C1QTNF2: variants seen among roughly 807,000 people sequenced by gnomAD.
C1QTNF2 encodes the protein complement C1q tumor necrosis factor-related protein 2.
Under a neutral mutation model 17.4 loss-of-function variants are expected in C1QTNF2, and 15 were observed. The ratio of observed to expected loss-of-function variants is 0.86; its 90% CI spans 0.58 to 1.33. C1QTNF2 has a LOEUF of 1.33. Ranked by LOEUF, C1QTNF2 falls within the 40% of genes most tolerant of loss-of-function variation. The pLI, the probability that C1QTNF2 is intolerant of heterozygous loss-of-function variation, is 0.00. For synonymous variants in C1QTNF2, 154 were observed against 163.3 expected, an observed-to-expected ratio of 0.94 and a Z score of 0.44; for missense variants, 381 against 392.3, an observed-to-expected ratio of 0.97 and a Z score of 0.24.
intron 2 of C1QTNF2, among the ~76,000 whole-genome samples, 174 bp downstream of exon 2, chr5:160,354,594 A>ATATATATATAT (rs1763992977): frequency 2.3e-5 from 1 of 43,390 alleles, no homozygotes; most frequent in African/African-American, 7.6e-5. Flanking sequence ...GAAAAAAAAA[A>ATATATATATAT]AAAGTATATA....
intron 2 of C1QTNF2, among the ~76,000 whole-genome samples, chr5:160,350,234 A>T (rs2113500568): frequency 6.6e-6 from 1 of 152,322 alleles, no homozygotes; most frequent in East Asian, 1.9e-4. Context: ...TATAATAGCA[A>T]AAAATAGGAA....
chr5:160,366,800 G>C (rs1339094595), intron 1 of C1QTNF2, among the ~76,000 whole-genome samples: 10 of 147,372 alleles, frequency 6.8e-5, no homozygotes, highest in Non-Finnish European at 1.5e-4. Flanking sequence ...AAAGCAGGTG[G>C]AGTGCCTGAG....
intron 1 of C1QTNF2, 157 bp from the exon 2 acceptor site, chr5:160,355,177 G>C: frequency 1.0e-6 from 1 of 978,406 alleles, no homozygotes; most frequent in Non-Finnish European, 1.2e-6. Context: ...ATGTGATGTG[G>C]ACAGAGTCGT....
In C1QTNF2 at chr5:160,354,785, C is replaced by T. The variant is rs773427618; in HGVS notation, c.227G>A (p.Gly76Glu). ...CCTCTTACCTTCCTCTCCGCTGTCC[C>T]CCCGGTCGCCGTCGTGTCCATCTTG... The part of the protein sequence containing the change: ...DGQDGHDGDR[G>E]DSGEEGPPGR... Residue 76 changes from glycine to glutamate, a missense_variant, in exon 2 of 3, where the codon GGG (glycine) becomes GAG (glutamate). Physicochemically the swap from Gly to Glu is moderately conservative, Grantham distance 98. Coordinates refer to ENST00000652664, the MANE Select transcript of C1QTNF2 (RefSeq NM_031908.6). The T allele has an allele frequency of 2.5e-6, 4 of 1,613,726 alleles. No homozygotes were observed. The highest frequency in any genetic ancestry group is 3.4e-6 in the Non-Finnish European group (4 of 1,179,950).
chr5:160,351,823 A>G (rs1763929191), intron 2 of C1QTNF2, among the ~76,000 whole-genome samples: 1 of 152,134 alleles, frequency 6.6e-6, no homozygotes. Context: ...AATAAAACTC[A>G]GAAAAGTCAC....
chr5:160,350,999 C>T (rs1763909888), intron 2 of C1QTNF2, among the ~76,000 whole-genome samples: 1 of 152,194 alleles, frequency 6.6e-6, no homozygotes, highest in African/African-American at 2.4e-5. Context: ...ATCTGCCCAC[C>T]TCGGCCTCCC....
intron 1 of C1QTNF2, among the ~76,000 whole-genome samples, chr5:160,362,674 A>G (rs1314432719): frequency 6.6e-6 from 1 of 152,158 alleles, no homozygotes; most frequent in Non-Finnish European, 1.5e-5. Flanking sequence ...AGGGGATCTC[A>G]AGGGTCTCAA....
chr5:160,351,527 T>C (rs1014258997), intron 2 of C1QTNF2, among the ~76,000 whole-genome samples: 3 of 152,238 alleles, frequency 2.0e-5, no homozygotes, highest in South Asian at 2.1e-4. Flanking sequence ...GGTTTCCAAA[T>C]TGCATTTTGT....
At chr5:160,350,744 A>T (rs1763902267) in intron 2 of C1QTNF2, among the ~76,000 whole-genome samples, 1 of 150,280 alleles carries the variant, frequency 6.7e-6, no homozygotes, top group Non-Finnish European at 1.5e-5. Context: ...GGAATCCACA[A>T]TGCCAATTTT....
At position 160,348,239 on chromosome 5, in the gene C1QTNF2, T is replaced by A. The variant is rs543208475; in HGVS notation, c.*929A>T. 3 of 152,284 alleles carry A rather than the reference T, an allele frequency of 2.0e-5. No individual in the cohort carries two copies. The South Asian group carries it at 6.2e-4, about 32-fold the overall frequency. 9.4% of individuals were successfully genotyped at this position (152,284 alleles called of 1,614,324 possible). ...ATTGAGAAGCGGGCCTGCAAAAGAT[T>A]AACTAATAATAAAGCGCTCAAGTCT... On this transcript the variant is annotated 3_prime_UTR_variant, in exon 3 of 3. Transcript: ENST00000652664.
chr5:160,365,573 A>G (rs1581040590), intron 1 of C1QTNF2, among the ~76,000 whole-genome samples: 1 of 151,776 alleles, frequency 6.6e-6, no homozygotes, highest in African/African-American at 2.4e-5. Flanking sequence ...CCCCCACCTC[A>G]CCCCGCCATC....
At chr5:160,355,688 G>A (rs1260894621) in intron 1 of C1QTNF2, among the ~76,000 whole-genome samples, 1 of 152,228 alleles carries the variant, frequency 6.6e-6, no homozygotes, top group African/African-American at 2.4e-5. Flanking sequence ...GTTGAGCAAT[G>A]TGTCTACATC....
At chr5:160,354,611 T>TAG (rs1764000113) in intron 2 of C1QTNF2, among the ~76,000 whole-genome samples, 157 bp downstream of exon 2, 1 of 134,086 alleles carries the variant, frequency 7.5e-6, no homozygotes, top group African/African-American at 2.9e-5. Flanking sequence ...TATATATATA[T>TAG]ATATATATAT....
At position 160,348,050 on chromosome 5, in the gene C1QTNF2, T is replaced by G. The variant is rs1020913126; in HGVS notation, c.*1118A>C. On this transcript the variant is annotated 3_prime_UTR_variant, in exon 3 of 3. Transcript: ENST00000652664. ...GGGATTATAGGCATGAGCTACCACATCCCGCCAGCACCTGGCACTTTTACT... is the reference window on the plus strand; with the variant it reads ...GGGATTATAGGCATGAGCTACCACAGCCCGCCAGCACCTGGCACTTTTACT... 5.9e-5 allele frequency: 9 copies of G among 152,146 alleles called. No individual in the cohort carries two copies. The highest frequency in any genetic ancestry group is 2.2e-4 in the African/African-American group (9 of 41,386). The allele number at this position is 152,146 out of a possible 1,614,324, so 9.4% of individuals were successfully genotyped here.
chr5:160,367,462 A>G (rs568717620), intron 1 of C1QTNF2, among the ~76,000 whole-genome samples: 8 of 152,242 alleles, frequency 5.3e-5, no homozygotes, highest in Non-Finnish European at 1.0e-4. Flanking sequence ...TAACCAAGGT[A>G]ATATGAGTCA....
chr5:160,366,617 C>T (rs1764252061), intron 1 of C1QTNF2, among the ~76,000 whole-genome samples: 1 of 152,210 alleles, frequency 6.6e-6, no homozygotes, highest in African/African-American at 2.4e-5. Flanking sequence ...AATTGTATAG[C>T]TGGGCATAAA....
chr5:160,360,217 G>A (rs1764128432), intron 1 of C1QTNF2, among the ~76,000 whole-genome samples: 1 of 152,118 alleles, frequency 6.6e-6, no homozygotes, highest in African/African-American at 2.4e-5. Flanking sequence ...TCCCCCATGT[G>A]TCTCCACTAA....
chr5:160,364,309 G>A (rs1764208980), intron 1 of C1QTNF2, among the ~76,000 whole-genome samples: 1 of 152,132 alleles, frequency 6.6e-6, no homozygotes, highest in Admixed American at 6.5e-5. Flanking sequence ...ACTAGCTGTA[G>A]TACCTTTACA....
Position 160,359,808 on chromosome 5 carries a change from A to C in C1QTNF2, c.-9-4788T>G, listed in dbSNP as rs535334031. ...CAAAAGATCAGGGTGTCACTCCCCA[A>C]GACCCTCCAATAGGTGCTGGCTTAA... On this transcript the variant is annotated intron_variant, in intron 1 of 2. Transcript: ENST00000652664. Among the ~76,000 whole-genome samples, 4 of 152,340 alleles carry C rather than the reference A, an allele frequency of 2.6e-5. No homozygotes were observed. The South Asian group carries it at 8.3e-4, about 32-fold the overall frequency.
Sources: allele counts gnomAD v4.1 joint callset (sites outside exome capture counted in the v4.1 genomes callset), GRCh38; gene constraint gnomAD v4.1.1; transcripts MANE v1.5; gene names NCBI Gene and HGNC (gene_info 2026-07-23, HGNC 2026-07-21).